CSMD3: variants seen among roughly 807,000 people sequenced by gnomAD.
CSMD3 encodes CUB and Sushi multiple domains 3.
Under a neutral mutation model 435.2 loss-of-function variants are expected in CSMD3, and 177 were observed. That is an observed-to-expected ratio of 0.41 (90% confidence interval 0.36 to 0.46). The LOEUF is 0.46. Ranked by LOEUF, CSMD3 falls within the 20% of genes least tolerant of loss-of-function variation. CSMD3 has a pLI of 0.34. For missense variants in CSMD3, 4,265 were observed against 4,504.6 expected, an observed-to-expected ratio of 0.95 and a Z score of 1.52; for synonymous variants, 1,656 against 1,520.5, an observed-to-expected ratio of 1.09 and a Z score of -2.07.
At chr8:112,784,407 G>A (rs183294348) in intron 13 of CSMD3, among the ~76,000 whole-genome samples, 131 of 151,500 alleles carry the variant, frequency 8.6e-4, no homozygotes, top group Non-Finnish European at 1.7e-3. Context: ...CCTAAAATTC[G>A]TAGAAACAAT....
chr8:113,311,777 A>C lies in CSMD3; in HGVS notation c.401+2794T>G, dbSNP rs527804371. 1.2e-4 allele frequency: 19 copies of C among 152,276 alleles called. No homozygotes were observed. The South Asian group carries it at 3.9e-3, about 32-fold the overall frequency. The allele number at this position is 152,276 out of a possible 1,614,324, so 9.4% of individuals were successfully genotyped here. On this transcript the variant is annotated intron_variant, in intron 2 of 70. Transcript: ENST00000297405. ...ACTAAAGTCAGCTATAACATTAACT[A>C]CAGTACTTCTTGAAGCACAAAAACC... is the stretch of plus-strand genomic sequence containing the variant.
intron 18 of CSMD3, among the ~76,000 whole-genome samples, chr8:112,655,733 T>C (rs1322924608): frequency 5.3e-5 from 8 of 152,008 alleles, no homozygotes; most frequent in Non-Finnish European, 7.4e-5. Context: ...AAATTAAATA[T>C]TTTAAATGGA....
At chr8:112,300,227 T>G (rs1215044221) in intron 53 of CSMD3, among the ~76,000 whole-genome samples, 3 of 147,254 alleles carry the variant, frequency 2.0e-5, no homozygotes, top group Non-Finnish European at 4.5e-5. Context: ...TATACATATT[T>G]AAAGATACAT....
At chr8:112,413,451 G>T (rs1366546980) in intron 32 of CSMD3, among the ~76,000 whole-genome samples, 1 of 152,124 alleles carries the variant, frequency 6.6e-6, no homozygotes, top group Admixed American at 6.5e-5. Context: ...TAATACCTGA[G>T]ACTTCATCCA....
intron 5 of CSMD3, among the ~76,000 whole-genome samples, chr8:113,027,426 T>C (rs896351310): frequency 1.3e-5 from 2 of 152,174 alleles, no homozygotes; most frequent in African/African-American, 4.8e-5. Flanking sequence ...ACTTATGGAA[T>C]GACGTTAAAT....
intron 70 of CSMD3, 63 bp from the exon 71 acceptor site, chr8:112,224,993 T>C (rs1014979820): frequency 7.0e-7 from 1 of 1,427,828 alleles, no homozygotes; most frequent in South Asian, 1.1e-5. Flanking sequence ...AGACTACAGC[T>C]CAAACATAAT....
rs181878773 is a variant in CSMD3, at chr8:112,489,820, T to C, written c.5278+2669A>G. On this transcript the variant is annotated intron_variant, in intron 31 of 70. Transcript: ENST00000297405. ...CTTCTTTTCTATTAGCTTAAAGAAT[T>C]CACTGAATAAATTTTATTCGATTTC... 1.2e-3 allele frequency among the ~76,000 whole-genome samples: 179 copies of C among 152,324 alleles called. 1 individual carries two copies. Among genetic ancestry groups the C allele is most frequent in the Non-Finnish European group, 2.1e-3 (141 of 68,010 alleles).
chr8:113,263,369 A>T (rs905488388), intron 3 of CSMD3, among the ~76,000 whole-genome samples: 15 of 152,032 alleles, frequency 9.9e-5, no homozygotes, highest in African/African-American at 3.6e-4. Context: ...ACTAATCAAT[A>T]TTTAGTTTTC....
At chr8:113,092,408 C>T (rs1187168588) in intron 5 of CSMD3, among the ~76,000 whole-genome samples, 3 of 152,000 alleles carry the variant, frequency 2.0e-5, no homozygotes, top group Non-Finnish European at 4.4e-5. Flanking sequence ...TCAGAGATTG[C>T]TAGTTATCCT....
At chr8:112,270,568 A>C (rs1817433341) in intron 59 of CSMD3, among the ~76,000 whole-genome samples, 1 of 151,798 alleles carries the variant, frequency 6.6e-6, no homozygotes, top group African/African-American at 2.4e-5. Flanking sequence ...TACCGACTGA[A>C]CTCTGTCTTC....
At chr8:113,307,034 T>G (rs2093826944) in intron 2 of CSMD3, among the ~76,000 whole-genome samples, 1 of 152,018 alleles carries the variant, frequency 6.6e-6, no homozygotes, top group Non-Finnish European at 1.5e-5. Flanking sequence ...TATATAAAGT[T>G]CAGATAATTT....
rs1820947081 is a variant in CSMD3, at chr8:112,301,782, A to G, written c.8440+11T>C. ...GGGGAAGTTTGACAAAAACAAATTAAAAATCTGTACCTAGGCATCTGGTTT... is the reference window on the plus strand; with the variant it reads ...GGGGAAGTTTGACAAAAACAAATTAGAAATCTGTACCTAGGCATCTGGTTT... On this transcript the variant is annotated intron_variant, in intron 53 of 70. Coordinates refer to ENST00000297405, the MANE Select transcript of CSMD3 (RefSeq NM_198123.2). 2.5e-6 allele frequency: 4 copies of G among 1,611,024 alleles called. No individual in the cohort carries two copies. Among genetic ancestry groups the G allele is most frequent in the Non-Finnish European group, 3.4e-6 (4 of 1,177,312 alleles).
At chr8:112,441,484 A>G (rs1815011178) in intron 32 of CSMD3, among the ~76,000 whole-genome samples, 1 of 152,110 alleles carries the variant, frequency 6.6e-6, no homozygotes, top group African/African-American at 2.4e-5. Flanking sequence ...TCCAGTTCCA[A>G]AGTCACTTCC....
At chr8:113,405,797 T>G (rs2094530078) in intron 1 of CSMD3, among the ~76,000 whole-genome samples, 1 of 151,488 alleles carries the variant, frequency 6.6e-6, no homozygotes, top group Admixed American at 6.6e-5. Context: ...AGAAAGGAAA[T>G]TTTCAGCCTA....
chr8:112,516,876 C>T (rs571192734), intron 28 of CSMD3, among the ~76,000 whole-genome samples, 158 bp downstream of exon 28: 57 of 152,210 alleles, frequency 3.7e-4, no homozygotes, highest in African/African-American at 1.2e-3. Flanking sequence ...AAATAATAAT[C>T]ATTTTACAAT....
At chr8:113,386,587 T>A (rs916379509) in intron 1 of CSMD3, among the ~76,000 whole-genome samples, 3 of 151,720 alleles carry the variant, frequency 2.0e-5, no homozygotes, top group Admixed American at 6.6e-5. Flanking sequence ...TTTTAAAAAA[T>A]CATATTTCAC....
At chr8:112,498,081 T>C (rs956495276) in intron 30 of CSMD3, among the ~76,000 whole-genome samples, 2 of 152,114 alleles carry the variant, frequency 1.3e-5, no homozygotes, top group African/African-American at 4.8e-5. Flanking sequence ...TACCTATACT[T>C]ATATTTTTCT....
At chr8:113,376,875 G>T in intron 1 of CSMD3, 1 of 1,609,672 alleles carries the variant, frequency 6.2e-7, no homozygotes, top group Non-Finnish European at 8.5e-7. Context: ...TGATCTGGAA[G>T]ATGAAGCTTC....
At chr8:113,185,350 A>G (rs2092483371) in intron 3 of CSMD3, among the ~76,000 whole-genome samples, 1 of 152,090 alleles carries the variant, frequency 6.6e-6, no homozygotes, top group Admixed American at 6.6e-5. Context: ...AAAAGGAAAG[A>G]AGCATAATCG....
Sources: allele counts gnomAD v4.1 joint callset (sites outside exome capture counted in the v4.1 genomes callset), GRCh38; gene constraint gnomAD v4.1.1; transcripts MANE v1.5; gene names NCBI Gene and HGNC (gene_info 2026-07-23, HGNC 2026-07-21).